Variants in DELE1 observed in about 807,000 individuals in gnomAD.
DELE1 encodes DAP3 binding cell death enhancer 1.
A neutral mutation model predicts 59.3 loss-of-function variants in DELE1; 54 were observed. That is an observed-to-expected ratio of 0.91 (90% CI 0.73 to 1.14). The LOEUF (loss-of-function observed/expected upper bound fraction) is 1.14. Ranked by LOEUF, DELE1 falls within the 50% of genes most tolerant of loss-of-function variation. The pLI, the probability that DELE1 is intolerant of heterozygous loss-of-function variation, is 0.00. For synonymous variants in DELE1, 264 were observed against 259.1 expected, an observed-to-expected ratio of 1.02 and a Z score of -0.18; for missense variants, 636 against 643.9, an observed-to-expected ratio of 0.99 and a Z score of 0.13.
chr5:141,938,666 G>A lies in DELE1; in HGVS notation c.1455G>A (p.Gly485=). The A allele has an allele frequency of 6.2e-7, 1 of 1,614,106 alleles. No homozygotes were observed. Among genetic ancestry groups the A allele is most frequent in the East Asian group, 2.2e-5 (1 of 44,866 alleles). The part of the protein sequence containing the change: ...TGNLGLLCRS[G]HLGASLEASS... ...ACCTTGGCCTCCTCTGCAGAAGTGG[G>A]CATCTCGGAGCCAGCCTGGAAGCCT... The change falls in exon 12 of 12, where the codon GGG becomes GGA. Residue 485 remains glycine, a synonymous_variant. Transcript: ENST00000432126.
At chr5:141,934,151 T>C in intron 8 of DELE1, 89 bp from the exon 9 acceptor site, 1 of 1,110,834 alleles carries the variant, frequency 9.0e-7, no homozygotes, top group Non-Finnish European at 1.2e-6. Context: ...TATGTATTAG[T>C]TAATTAAAAT....
intron 6 of DELE1, 48 bp from the exon 7 acceptor site, chr5:141,930,130 A>C (rs1341740412): frequency 3.7e-6 from 6 of 1,606,940 alleles, no homozygotes; most frequent in African/African-American, 1.3e-5. Flanking sequence ...GGCAGGTGGC[A>C]ATCCTGGTAA....
At chr5:141,930,866 A>G (rs1751851941) in intron 7 of DELE1, among the ~76,000 whole-genome samples, 1 of 152,164 alleles carries the variant, frequency 6.6e-6, no homozygotes, top group Non-Finnish European at 1.5e-5. Flanking sequence ...GACTCCCCAC[A>G]GCATCTATTG....
chr5:141,937,894 G>A (rs938120730), intron 11 of DELE1, among the ~76,000 whole-genome samples: 5 of 147,742 alleles, frequency 3.4e-5, no homozygotes, highest in Non-Finnish European at 7.5e-5. Flanking sequence ...GCGCGATCTC[G>A]GCTCACTGCA....
Position 141,942,013 on chromosome 5 carries a change from A to C in DELE1, c.*3254A>C. 1 of 985,402 alleles carries C rather than the reference A, an allele frequency of 1.0e-6. No individual in the cohort carries two copies. The highest frequency in any genetic ancestry group is 1.2e-6 in the Non-Finnish European group (1 of 829,922). 61.0% of individuals were successfully genotyped at this position (985,402 alleles called of 1,614,324 possible). ...GTTTCCTGTGCTACTTCTGGCACTT[A>C]GTAATTATTCAATAAACACAAAATG... On this transcript the variant is annotated 3_prime_UTR_variant, in exon 12 of 12. Transcript: ENST00000432126.
At chr5:141,937,593 A>AC (rs969202098) in intron 11 of DELE1, among the ~76,000 whole-genome samples, 2 of 150,756 alleles carry the variant, frequency 1.3e-5, no homozygotes, top group Non-Finnish European at 2.9e-5. Flanking sequence ...ACACGGTGAA[A>AC]CCCCGTCTCT....
intron 2 of DELE1, 86 bp from the exon 3 acceptor site, chr5:141,925,324 T>C (rs1372598011): frequency 1.3e-6 from 1 of 784,744 alleles, no homozygotes; most frequent in African/African-American, 1.8e-5. Context: ...GCCTCCCAAA[T>C]TGTTGGGATT....
chr5:141,940,605 C>G lies in DELE1; in HGVS notation c.*1846C>G, dbSNP rs1242472283. On this transcript the variant is annotated 3_prime_UTR_variant, in exon 12 of 12. Coordinates refer to ENST00000432126, the MANE Select transcript of DELE1 (RefSeq NM_014773.5). ...ATACTTTCCTAGCACCTCTCTTTCA[C>G]CCGGGGAGCCCAAGCGTCCTCTAGC... The G allele has an allele frequency of 9.1e-6, 9 of 985,756 alleles. No homozygotes were observed. In the East Asian group the frequency reaches 1.0e-3, roughly 112 times the overall value. 61.1% of individuals were successfully genotyped at this position (985,756 alleles called of 1,614,324 possible).
rs546771904 is a variant in DELE1, at chr5:141,924,691, G to A, written c.142G>A (p.Asp48Asn). 2 of 1,595,634 alleles carry A rather than the reference G, an allele frequency of 1.3e-6. No individual in the cohort carries two copies. The highest frequency in any genetic ancestry group is 1.1e-5 in the South Asian group (1 of 90,690). ...STLLVPVPNL[D>N]RSGPHGPGTS... ...TTTGCTGGTTCCTGTGCCTAACCTCGACAGGTAAGATACTGCCATTTTACC... is the reference window on the plus strand; with the variant it reads ...TTTGCTGGTTCCTGTGCCTAACCTCAACAGGTAAGATACTGCCATTTTACC... Residue 48 changes from aspartate (D) to asparagine (N), a missense_variant, in exon 2 of 12, where the codon GAC becomes AAC. Asp to Asn is a conservative substitution (Grantham distance 23). Coordinates refer to ENST00000432126, the MANE Select transcript of DELE1 (RefSeq NM_014773.5).
intron 8 of DELE1, 39 bp from the exon 9 acceptor site, chr5:141,934,201 G>A (rs1414724826): frequency 1.5e-5 from 24 of 1,559,894 alleles, no homozygotes; most frequent in Non-Finnish European, 2.0e-5. Flanking sequence ...GATGCTTACA[G>A]AGTTGCCAGC....
In DELE1 at chr5:141,939,202, C is replaced by A. The variant is rs1398638420; in HGVS notation, c.*443C>A. 1 of 719,002 alleles carries A rather than the reference C, an allele frequency of 1.4e-6. No homozygotes were observed. Among genetic ancestry groups the A allele is most frequent in the African/African-American group, 1.9e-5 (1 of 51,626 alleles). The allele number at this position is 719,002 out of a possible 1,614,324, so 44.5% of individuals were successfully genotyped here. A position where few individuals can be genotyped will look rare whatever the true frequency, so the allele number is the denominator to read the frequency against. On this transcript the variant is annotated 3_prime_UTR_variant, in exon 12 of 12. Coordinates refer to ENST00000432126, the MANE Select transcript of DELE1 (RefSeq NM_014773.5). ...TAGATGGTATTCAAATTAATATTTT[C>A]TATTTAGTTATATATTTAATGTATA...
intron 10 of DELE1, 63 bp from the exon 11 acceptor site, chr5:141,937,135 T>C (rs998816596): frequency 1.9e-6 from 3 of 1,600,344 alleles, no homozygotes; most frequent in Non-Finnish European, 2.6e-6. Context: ...TCCTCCTCCC[T>C]TAGCATGTCA....
At chr5:141,934,443 G>A in intron 9 of DELE1, 45 bp downstream of exon 9, 1 of 1,614,198 alleles carries the variant, frequency 6.2e-7, no homozygotes, top group Non-Finnish European at 8.5e-7. Flanking sequence ...TGAGGCCTGT[G>A]GAGCCTGAAA....
chr5:141,933,895 C>G (rs1234334518), intron 8 of DELE1: 2 of 182,028 alleles, frequency 1.1e-5, no homozygotes, highest in Non-Finnish European at 2.3e-5. Context: ...ATAGAGTGAT[C>G]TAAGTCTCTC....
rs764535238 is a variant in DELE1, at chr5:141,934,501, CTTT to C, written c.1065_1067del (p.Phe356del). The C allele has an allele frequency of 6.2e-7, 1 of 1,614,254 alleles. No individual in the cohort carries two copies. The highest frequency in any genetic ancestry group is 8.5e-7 in the Non-Finnish European group (1 of 1,180,040). On this transcript the variant is annotated inframe_deletion, in exon 10 of 12. Coordinates refer to ENST00000432126, the MANE Select transcript of DELE1 (RefSeq NM_014773.5). ...CTTCCTCCTTGACCACAGGCCCAAGCTTTCCTCGGGGTGCTTTTCACCAAGGAG... is the reference window on the plus strand; with the variant it reads ...CTTCCTCCTTGACCACAGGCCCAAGCCCTCGGGGTGCTTTTCACCAAGGAG...
intron 10 of DELE1, among the ~76,000 whole-genome samples, chr5:141,936,571 G>A (rs7702916): frequency 0.19 from 28,558 of 152,000 alleles, 4,766 homozygotes; most frequent in African/African-American, 0.46. Flanking sequence ...AGTAGTTAGG[G>A]TTACAGGTGC....
rs1046379840 is a variant in DELE1 at position 141,940,768 on chromosome 5, T to TC, written c.*2013dup. 1.5e-5 allele frequency: 15 copies of TC among 979,262 alleles called. No individual in the cohort carries two copies. The African/African-American group carries it at 2.6e-4, about 17-fold the overall frequency. 60.7% of individuals were successfully genotyped at this position (979,262 alleles called of 1,614,324 possible). A position where few individuals can be genotyped will look rare whatever the true frequency, so the allele number is the denominator to read the frequency against. ...GGGTCCTTGTCTTTGTATTCCAGTG[T>TC]CCCCAGCACTGAGTGCAAGGCCCCA... On this transcript the variant is annotated 3_prime_UTR_variant, in exon 12 of 12. Transcript: ENST00000432126.
Position 141,928,390 on chromosome 5 carries a change from C to T in DELE1, c.412+92C>T. Reference sequence around the variant, plus strand: ...GGACACACCTCAGGAAAAGAGCCATCAGCAGCTCCTTGCCTTTCCTATCTG... The same window carrying T: ...GGACACACCTCAGGAAAAGAGCCATTAGCAGCTCCTTGCCTTTCCTATCTG... On this transcript the variant is annotated intron_variant, in intron 4 of 11. Coordinates refer to ENST00000432126, the MANE Select transcript of DELE1 (RefSeq NM_014773.5). The T allele has an allele frequency of 4.9e-6, 7 of 1,416,532 alleles. No individual in the cohort carries two copies. The Admixed American group carries it at 6.9e-5, about 14-fold the overall frequency. The allele number at this position is 1,416,532 out of a possible 1,614,324, so 87.7% of individuals were successfully genotyped here.
rs1443120242 is a variant in DELE1, at chr5:141,939,245, G to A, written c.*486G>A. The A allele has an allele frequency of 1.8e-6, 1 of 548,662 alleles. No individual in the cohort carries two copies. Among genetic ancestry groups the A allele is most frequent in the Non-Finnish European group, 2.3e-6 (1 of 431,670 alleles). 34.0% of individuals were successfully genotyped at this position (548,662 alleles called of 1,614,324 possible). A position where few individuals can be genotyped will look rare whatever the true frequency, so the allele number is the denominator to read the frequency against. Reference sequence around the variant, plus strand: ...AATGTATAATATAAAAATATGATTAGCATATTGACCTGTAGTTTGATAGAT... The same window carrying A: ...AATGTATAATATAAAAATATGATTAACATATTGACCTGTAGTTTGATAGAT... On this transcript the variant is annotated 3_prime_UTR_variant, in exon 12 of 12. Coordinates refer to ENST00000432126, the MANE Select transcript of DELE1 (RefSeq NM_014773.5).
Sources: allele counts gnomAD v4.1 joint callset (sites outside exome capture counted in the v4.1 genomes callset), GRCh38; gene constraint gnomAD v4.1.1; transcripts MANE v1.5; gene names NCBI Gene and HGNC (gene_info 2026-07-23, HGNC 2026-07-21).